The following ACTR3C variants were observed in gnomAD, a reference collection of about 807,000 sequenced individuals.
ACTR3C encodes the protein actin related protein 3C.
In ACTR3C, 18 loss-of-function variants were observed where a neutral mutation model predicts 26.3. That is an observed-to-expected ratio of 0.68 (90% CI 0.47 to 1.01). ACTR3C has a LOEUF of 1.01. ACTR3C is among the 50% of genes least tolerant of loss of function. ACTR3C has a pLI of 0.00. For synonymous variants in ACTR3C, 55 were observed against 94.5 expected, an observed-to-expected ratio of 0.58 and a Z score of 2.42; for missense variants, 184 against 250.7, an observed-to-expected ratio of 0.73 and a Z score of 1.80.
intron 6 of ACTR3C, among the ~76,000 whole-genome samples, chr7:150,283,919 T>A (rs1835552498): frequency 6.6e-6 from 1 of 150,516 alleles, no homozygotes; most frequent in Non-Finnish European, 1.5e-5. Context: ...TCTCAGGCTG[T>A]CAGTAGGATT....
the ACTR3C span, among the ~76,000 whole-genome samples, chr7:149,983,852 T>C: frequency 6.6e-6 from 1 of 152,168 alleles, no homozygotes; most frequent in Non-Finnish European, 1.5e-5. Flanking sequence ...CAGGATGTTA[T>C]GGTAAGTGAA....
chr7:150,065,653 A>C, the ACTR3C span, among the ~76,000 whole-genome samples: 1 of 151,788 alleles, frequency 6.6e-6, no homozygotes, highest in Non-Finnish European at 1.5e-5. Flanking sequence ...TCGGATGGGG[A>C]GAATGCTCTA....
At chr7:150,182,437 G>A in the ACTR3C span, among the ~76,000 whole-genome samples, 1 of 150,664 alleles carries the variant, frequency 6.6e-6, no homozygotes, top group South Asian at 2.1e-4. Flanking sequence ...TTCAAATATT[G>A]CAAATAAGAA....
At chr7:150,089,215 C>T in the ACTR3C span, among the ~76,000 whole-genome samples, 1 of 152,142 alleles carries the variant, frequency 6.6e-6, no homozygotes, top group African/African-American at 2.4e-5. Context: ...TTGAGAAAAG[C>T]ATAGATTTCA....
the ACTR3C span, among the ~76,000 whole-genome samples, chr7:150,181,115 C>G: frequency 6.6e-6 from 1 of 150,946 alleles, no homozygotes; most frequent in South Asian, 2.1e-4. Context: ...CATCTGAAAA[C>G]CTATTAGTCA....
At chr7:149,923,298 G>C in the ACTR3C span, among the ~76,000 whole-genome samples, 1 of 151,862 alleles carries the variant, frequency 6.6e-6, no homozygotes, top group African/African-American at 2.4e-5. Flanking sequence ...ACCTATCTAT[G>C]AGTATAAATG....
the ACTR3C span, among the ~76,000 whole-genome samples, chr7:150,222,642 G>A: frequency 1.3e-5 from 2 of 152,222 alleles, no homozygotes; most frequent in African/African-American, 2.4e-5. Context: ...ATTGAAGGGA[G>A]CAGGCTGAGC....
the ACTR3C span, among the ~76,000 whole-genome samples, chr7:150,143,376 A>G: frequency 5.9e-5 from 9 of 152,132 alleles, no homozygotes; most frequent in African/African-American, 2.2e-4. Context: ...AAATCCCCCT[A>G]TTGTCGTGGG....
chr7:150,214,015 C>T, the ACTR3C span, among the ~76,000 whole-genome samples: 2 of 147,364 alleles, frequency 1.4e-5, no homozygotes, highest in South Asian at 4.5e-4. Flanking sequence ...TCCCCTGAGT[C>T]ATGCAGGTGC....
At chr7:150,248,867 G>A (rs1170004307) in intron 7 of ACTR3C, 81 bp downstream of exon 7, 1 of 439,752 alleles carries the variant, frequency 2.3e-6, no homozygotes, top group African/African-American at 2.0e-5. Flanking sequence ...GCAATTATGG[G>A]TTCTCTTGAA....
intron 1 of ACTR3C, among the ~76,000 whole-genome samples, chr7:150,305,114 T>C (rs1795711027): frequency 6.6e-6 from 1 of 152,182 alleles, no homozygotes; most frequent in South Asian, 2.1e-4. Context: ...CCACACACCA[T>C]ACTGTACTCC....
the ACTR3C span, among the ~76,000 whole-genome samples, chr7:150,169,888 C>T: frequency 1.3e-5 from 2 of 150,628 alleles, no homozygotes; most frequent in Non-Finnish European, 2.9e-5. Context: ...TTCCTCCTCC[C>T]CTCTTTACTT....
At chr7:150,131,743 C>A in the ACTR3C span, among the ~76,000 whole-genome samples, 1 of 152,232 alleles carries the variant, frequency 6.6e-6, no homozygotes, top group South Asian at 2.1e-4. Flanking sequence ...CATGTCCACA[C>A]AAAAGCACGT....
chr7:150,097,140 G>A, the ACTR3C span, among the ~76,000 whole-genome samples: 1 of 151,882 alleles, frequency 6.6e-6, no homozygotes, highest in African/African-American at 2.4e-5. Flanking sequence ...GTCTTGGGGT[G>A]CTTGCATAGC....
At chr7:150,277,653 AC>A (rs1375070731) in intron 6 of ACTR3C, among the ~76,000 whole-genome samples, 1 of 150,756 alleles carries the variant, frequency 6.6e-6, no homozygotes, top group East Asian at 2.0e-4. Context: ...TCAGTAAATG[AC>A]CCCCCACCCT....
the ACTR3C span, among the ~76,000 whole-genome samples, chr7:150,003,807 TGTTTGTGTGTGTG>T: frequency 5.3e-5 from 8 of 152,316 alleles, no homozygotes; most frequent in Non-Finnish European, 1.0e-4. Context: ...GTGGTGTTTG[TGTTTGTGTGTGTG>T]GTTTGTGTGT....
rs377048913 is a variant in ACTR3C at position 150,250,483 on chromosome 7, T to G, written c.565-1429A>C. ...CTCCCAAAGTGCTGGGATTACAGGC[T>G]TGAGCCACTGCGCCCGGCCGACTTG... On this transcript the variant is annotated intron_variant, in intron 6 of 7. Transcript: ENST00000683684. Among the ~76,000 whole-genome samples the G allele has an allele frequency of 2.6e-5, 4 of 151,920 alleles. No homozygotes were observed. The East Asian group carries it at 5.8e-4, about 22-fold the overall frequency.
At chr7:150,063,481 C>G in the ACTR3C span, among the ~76,000 whole-genome samples, 24 of 151,362 alleles carry the variant, frequency 1.6e-4, no homozygotes, top group Non-Finnish European at 3.2e-4. Flanking sequence ...AAAGCTGGCT[C>G]TCTCCTCTCT....
chr7:150,097,891 C>A, the ACTR3C span, among the ~76,000 whole-genome samples: 2 of 151,470 alleles, frequency 1.3e-5, no homozygotes, highest in Non-Finnish European at 2.9e-5. Flanking sequence ...GGCCTACCTT[C>A]TCAAGCAGTC....
Sources: gnomAD v4.1 joint callset for allele counts (sites outside exome capture counted in the v4.1 genomes callset) on GRCh38, gnomAD v4.1.1 for gene constraint, MANE v1.5 for transcripts, NCBI Gene and HGNC (gene_info 2026-07-23, HGNC 2026-07-21) for gene names.